GLO1: variants seen among roughly 807,000 people sequenced by gnomAD.
GLO1 encodes glyoxalase I, also known as lactoylglutathione lyase.
In GLO1, 28 loss-of-function variants were observed where a neutral mutation model predicts 26.0. The observed-to-expected ratio is 1.08, with a 90% CI of 0.80 to 1.48. GLO1 has a LOEUF of 1.48. GLO1 is among the 40% of genes most tolerant of loss of function. The pLI is 0.00. For synonymous variants in GLO1, 78 were observed against 77.6 expected (o/e 1.00, Z -0.03); for missense variants, 225 against 224.8 (o/e 1.00, Z -0.01).
At chr6:38,702,257 ACAC>A (rs1345999541) in intron 1 of GLO1, among the ~76,000 whole-genome samples, 1 of 152,186 alleles carries the variant, frequency 6.6e-6, no homozygotes, top group Admixed American at 6.5e-5. Flanking sequence ...GGCAACCGAA[ACAC>A]CACACCTGAG....
chr6:38,687,447 A>G (rs1182167459), intron 1 of GLO1, among the ~76,000 whole-genome samples: 1 of 152,236 alleles, frequency 6.6e-6, no homozygotes, highest in Non-Finnish European at 1.5e-5. Flanking sequence ...TTTTACACAT[A>G]AAGAGGTTGA....
rs544414528 is a variant in GLO1 at position 38,685,124 on chromosome 6, T to C, written c.168-610A>G. The stretch of plus-strand genomic sequence containing the variant: ...ATATGGAAAGGTCCCATGAGAGCAA[T>C]GTCAGCAGAGTGGGGAAGCATCAGC... On this transcript the variant is annotated intron_variant, in intron 2 of 5. Coordinates refer to ENST00000373365, the MANE Select transcript of GLO1 (RefSeq NM_006708.3). Among the ~76,000 whole-genome samples, 3 of 152,242 alleles carry C rather than the reference T, an allele frequency of 2.0e-5. No homozygotes were observed. The East Asian group carries it at 5.8e-4, about 29-fold the overall frequency.
At chr6:38,688,620 G>T (rs1562485858) in intron 1 of GLO1, among the ~76,000 whole-genome samples, 1 of 152,134 alleles carries the variant, frequency 6.6e-6, no homozygotes, top group East Asian at 1.9e-4. Context: ...TGTATGATCT[G>T]TCAGGCCCGA....
chr6:38,695,863 T>C (rs773483176), intron 1 of GLO1, among the ~76,000 whole-genome samples: 2 of 152,162 alleles, frequency 1.3e-5, no homozygotes, highest in South Asian at 2.1e-4. Context: ...TTGGTCTGTG[T>C]CCATCAGCAT....
intron 5 of GLO1, among the ~76,000 whole-genome samples, chr6:38,681,017 C>A (rs867015602): frequency 1.3e-5 from 2 of 152,050 alleles, no homozygotes; most frequent in African/African-American, 4.8e-5. Context: ...ACAATGAGGA[C>A]AGAGTGAAGC....
intron 1 of GLO1, among the ~76,000 whole-genome samples, chr6:38,700,118 TA>T (rs1761676444): frequency 6.6e-6 from 1 of 152,222 alleles, no homozygotes; most frequent in Non-Finnish European, 1.5e-5. Context: ...AGCCCAGCTG[TA>T]AAATTCCTCT....
At chr6:38,699,551 G>T (rs1466831199) in intron 1 of GLO1, among the ~76,000 whole-genome samples, 7 of 152,130 alleles carry the variant, frequency 4.6e-5, no homozygotes, top group African/African-American at 1.7e-4. Flanking sequence ...GTGCAAGTAG[G>T]AGAGATATTG....
chr6:38,685,395 A>T (rs1047520982), intron 2 of GLO1, among the ~76,000 whole-genome samples: 11 of 152,214 alleles, frequency 7.2e-5, no homozygotes, highest in African/African-American at 2.7e-4. Context: ...AATGACTTTA[A>T]ATGGTATAGG....
chr6:38,680,166 T>C (rs1247068228), intron 5 of GLO1, among the ~76,000 whole-genome samples: 1 of 152,252 alleles, frequency 6.6e-6, no homozygotes. Flanking sequence ...TCCATAAAAC[T>C]GTCCTTCAGA....
chr6:38,693,367 G>C (rs1761557964), intron 1 of GLO1, among the ~76,000 whole-genome samples: 1 of 152,148 alleles, frequency 6.6e-6, no homozygotes, highest in African/African-American at 2.4e-5. Flanking sequence ...GGTAGTTTGT[G>C]CTTCTTTGTT....
chr6:38,703,034 C>A lies in GLO1; in HGVS notation c.21G>T (p.Pro7=). The change falls in exon 1 of 6, where the codon CCG becomes CCT. Residue 7 remains proline, a synonymous_variant. Coordinates refer to ENST00000373365, the MANE Select transcript of GLO1 (RefSeq NM_006708.3). ...CGGCCTCGTCCGTGAGGCCGCCGGA[C>A]GGGGGCTGCGGTTCTGCCATGGCTG... The part of the protein sequence containing the change: MAEPQP[P]SGGLTDEAAL... The A allele has an allele frequency of 6.3e-7, 1 of 1,590,572 alleles. No homozygotes were observed. Among genetic ancestry groups the A allele is most frequent in the African/African-American group, 1.4e-5 (1 of 73,668 alleles).
intron 1 of GLO1, among the ~76,000 whole-genome samples, chr6:38,698,125 G>A (rs1761638288): frequency 6.6e-6 from 1 of 152,132 alleles, no homozygotes; most frequent in South Asian, 2.1e-4. Flanking sequence ...ATTACAGGGT[G>A]AGAAAAACAA....
In GLO1 at chr6:38,693,539, T is replaced by C. The variant is rs189368888; in HGVS notation, c.85-6565A>G. ...ACTTTGCTTTTCATTTTCTAGTTTCTTAGGAGGAAGCTTACGTTATTAATT... is the reference window on the plus strand; with the variant it reads ...ACTTTGCTTTTCATTTTCTAGTTTCCTAGGAGGAAGCTTACGTTATTAATT... On this transcript the variant is annotated intron_variant, in intron 1 of 5. Transcript: ENST00000373365. 2.0e-5 allele frequency among the ~76,000 whole-genome samples: 3 copies of C among 152,186 alleles called. No individual in the cohort carries two copies. The East Asian group carries it at 5.8e-4, about 29-fold the overall frequency.
chr6:38,699,213 A>C (rs910876462), intron 1 of GLO1, among the ~76,000 whole-genome samples: 1 of 152,246 alleles, frequency 6.6e-6, no homozygotes, highest in African/African-American at 2.4e-5. Flanking sequence ...AGAGGAACAT[A>C]AATTGTGAAG....
intron 1 of GLO1, among the ~76,000 whole-genome samples, chr6:38,693,685 C>A (rs1781718): frequency 0.34 from 28,791 of 84,506 alleles, 3,855 homozygotes; most frequent in Middle Eastern, 0.43. Context: ...CTCTCTCTCT[C>A]TATATATATA....
chr6:38,682,015 C>T lies in GLO1; in HGVS notation c.463G>A (p.Asp155Asn). 1.4e-6 allele frequency: 2 copies of T among 1,468,386 alleles called. No individual in the cohort carries two copies. The highest frequency in any genetic ancestry group is 1.9e-6 in the Non-Finnish European group (2 of 1,046,846). The allele number at this position is 1,468,386 out of a possible 1,614,324, so 91.0% of individuals were successfully genotyped here. A position where few individuals can be genotyped will look rare whatever the true frequency, so the allele number is the denominator to read the frequency against. Residue 155 changes from aspartate to asparagine, a missense_variant, in exon 5 of 6, where the codon GAT (aspartate) becomes AAT (asparagine). Coordinates refer to ENST00000373365, the MANE Select transcript of GLO1 (RefSeq NM_006708.3). The stretch of plus-strand genomic sequence containing the variant: ...ACACAGTAAGTAGTAGACTCACCAT[C>T]ATCAGGTTTCTTCACAAATTTGACT... The part of the protein sequence containing the change: ...LGVKFVKKPD[D>N]GKMKGLAFIQ...
At chr6:38,702,132 C>T (rs1362924490) in intron 1 of GLO1, among the ~76,000 whole-genome samples, 2 of 152,012 alleles carry the variant, frequency 1.3e-5, no homozygotes, top group East Asian at 3.9e-4. Flanking sequence ...GGGGTTTCAC[C>T]GTGTTAGGAT....
intron 1 of GLO1, among the ~76,000 whole-genome samples, chr6:38,697,182 G>A (rs1761623875): frequency 6.6e-6 from 1 of 152,100 alleles, no homozygotes; most frequent in African/African-American, 2.4e-5. Context: ...CAAAGTGCTG[G>A]GATTACAGAC....
chr6:38,691,540 C>G (rs1254812316), intron 1 of GLO1, among the ~76,000 whole-genome samples: 1 of 152,104 alleles, frequency 6.6e-6, no homozygotes. Context: ...AACTCCTGAA[C>G]TTGTGGTCCA....
Sources: allele counts gnomAD v4.1 joint callset (sites outside exome capture counted in the v4.1 genomes callset), GRCh38; gene constraint gnomAD v4.1.1; transcripts MANE v1.5; gene names NCBI Gene and HGNC (gene_info 2026-07-23, HGNC 2026-07-21).